The following PCNX2 variants were observed in gnomAD, a reference collection of about 807,000 sequenced individuals.
PCNX2 encodes the protein pecanex-like protein 2.
In PCNX2, 168 loss-of-function variants were observed where a neutral mutation model predicts 223.8. The observed-to-expected ratio is 0.75, with a 90% CI of 0.66 to 0.85. The LOEUF is 0.85. Among genes scored for constraint, PCNX2 ranks in the 40% least tolerant of loss-of-function variants. The probability of loss-of-function intolerance (pLI) is 0.00; values close to 1 mark genes in which losing one functional copy is unlikely to be tolerated. For missense variants in PCNX2, 2,507 were observed against 2,675.5 expected, an observed-to-expected ratio of 0.94 and a Z score of 1.39; for synonymous variants, 1,006 against 1,052.6, an observed-to-expected ratio of 0.96 and a Z score of 0.86.
chr1:233,321,376 C>A, the PCNX2 span, among the ~76,000 whole-genome samples: 1 of 152,170 alleles, frequency 6.6e-6, no homozygotes, highest in Admixed American at 6.5e-5. Flanking sequence ...CGGCCCACTG[C>A]AACCTCTGCC....
Position 233,258,221 on chromosome 1 carries a change from T to G in PCNX2, c.1641A>C (p.Glu547Asp). ...TTGTTTTCTCTGTATCGTTAACAAT[T>G]TCTGCAGAACTTTTACTCAAGAAGA... ...TDVFLSKSSA[E>D]IVNDTEKTMP... is the part of the protein sequence containing the mutation. Residue 547 changes from glutamate (E) to aspartate (D), a missense_variant, in exon 5 of 34, where the codon GAA (glutamate) becomes GAC (aspartate). Physicochemically the swap from Glu to Asp is conservative, Grantham distance 45 (BLOSUM62 2). Around this residue, in one of 3 missense-constraint regions of PCNX2, gnomAD observed 1,031 missense variants for 1,021.7 expected, o/e 1.01. Coordinates refer to ENST00000258229, the MANE Select transcript of PCNX2 (RefSeq NM_014801.4). 6.2e-7 allele frequency: 1 copy of G among 1,613,990 alleles called. No homozygotes were observed. The highest frequency in any genetic ancestry group is 1.1e-5 in the South Asian group (1 of 91,080).
chr1:233,120,497 G>A (rs1453494889), intron 21 of PCNX2, among the ~76,000 whole-genome samples: 1 of 152,164 alleles, frequency 6.6e-6, no homozygotes, highest in Non-Finnish European at 1.5e-5. Context: ...TATTCCTGGT[G>A]GAAATATTAA....
intron 23 of PCNX2, among the ~76,000 whole-genome samples, chr1:233,080,972 GT>G (rs1444547426): frequency 1.3e-5 from 2 of 152,176 alleles, no homozygotes; most frequent in Non-Finnish European, 2.9e-5. Flanking sequence ...TTTCCCAGAT[GT>G]GTGAAGTTAT....
intron 4 of PCNX2, among the ~76,000 whole-genome samples, chr1:233,260,375 T>C (rs11577517): frequency 0.11 from 17,358 of 152,240 alleles, 1,072 homozygotes; most frequent in South Asian, 0.19. Context: ...AAGATTATTA[T>C]AGCACACCTA....
chr1:233,141,688 T>A (rs184381335), intron 19 of PCNX2, among the ~76,000 whole-genome samples: 71 of 133,106 alleles, frequency 5.3e-4, no homozygotes, highest in East Asian at 2.3e-3. Flanking sequence ...AAAGAAAAAA[T>A]ATATATATAT....
At chr1:233,219,089 T>C (rs1657210361) in intron 10 of PCNX2, among the ~76,000 whole-genome samples, 1 of 151,894 alleles carries the variant, frequency 6.6e-6, no homozygotes, top group Non-Finnish European at 1.5e-5. Flanking sequence ...ATACAAGGTA[T>C]AGGGTAGAGA....
intron 21 of PCNX2, among the ~76,000 whole-genome samples, chr1:233,129,967 T>C (rs1471171674): frequency 1.3e-5 from 2 of 152,144 alleles, no homozygotes; most frequent in Non-Finnish European, 2.9e-5. Context: ...ACTGTTCGGG[T>C]CCACACTGCC....
At chr1:233,146,538 A>G (rs1415532686) in intron 19 of PCNX2, among the ~76,000 whole-genome samples, 1 of 152,230 alleles carries the variant, frequency 6.6e-6, no homozygotes, top group African/African-American at 2.4e-5. Flanking sequence ...TAAGAGATCA[A>G]CAGTGTCAGA....
At chr1:233,242,774 T>C (rs1436971730) in intron 8 of PCNX2, among the ~76,000 whole-genome samples, 2 of 152,250 alleles carry the variant, frequency 1.3e-5, no homozygotes, top group African/African-American at 4.8e-5. Flanking sequence ...CCTAGGCAGA[T>C]AGCCTACTTC....
intron 23 of PCNX2, among the ~76,000 whole-genome samples, chr1:233,073,111 G>C (rs184987403): frequency 3.3e-5 from 5 of 152,178 alleles, no homozygotes; most frequent in African/African-American, 1.2e-4. Context: ...TCTTCAGTCA[G>C]CTTTGGTAGT....
intron 22 of PCNX2, among the ~76,000 whole-genome samples, chr1:233,092,625 C>T (rs12239048): frequency 0.022 from 3,414 of 152,190 alleles, 41 homozygotes; most frequent in East Asian, 0.042. Flanking sequence ...AAGTCTGTCA[C>T]TACTACTGGC....
chr1:233,290,022 G>C (rs1307648245), intron 1 of PCNX2, among the ~76,000 whole-genome samples: 1 of 152,098 alleles, frequency 6.6e-6, no homozygotes, highest in Non-Finnish European at 1.5e-5. Context: ...GGTGAAGCCT[G>C]GGGGGCGGGG....
At chr1:233,068,697 A>G (rs1245162063) in intron 23 of PCNX2, among the ~76,000 whole-genome samples, 1 of 152,136 alleles carries the variant, frequency 6.6e-6, no homozygotes, top group Non-Finnish European at 1.5e-5. Context: ...AGCAAACACT[A>G]AAAGATACAC....
intron 26 of PCNX2, among the ~76,000 whole-genome samples, chr1:233,024,099 G>A (rs1325616675): frequency 6.6e-6 from 1 of 152,170 alleles, no homozygotes; most frequent in Non-Finnish European, 1.5e-5. Flanking sequence ...TTTTTGTAGA[G>A]ATGGGGGGTC....
chr1:233,139,933 T>C lies in PCNX2; in HGVS notation c.3518-78A>G. ...TTTAAGTACAGGTAATAATAAGTAA[T>C]ATTCCCCCCCTTTAATTCAAAAGCT... On this transcript the variant is annotated intron_variant, in intron 19 of 33. Transcript: ENST00000258229. The surrounding 1 kb of genome is among the most constrained non-coding windows in gnomAD (Gnocchi z 4.4). 1.3e-6 allele frequency: 2 copies of C among 1,492,682 alleles called. No individual in the cohort carries two copies. Among genetic ancestry groups the C allele is most frequent in the Non-Finnish European group, 1.8e-6 (2 of 1,110,462 alleles). The allele number at this position is 1,492,682 out of a possible 1,614,324, so 92.5% of individuals were successfully genotyped here.
chr1:233,100,056 A>G (rs1207138499), intron 21 of PCNX2, among the ~76,000 whole-genome samples: 1 of 152,232 alleles, frequency 6.6e-6, no homozygotes, highest in Non-Finnish European at 1.5e-5. Context: ...TTACTGGAAT[A>G]TAAGAGAAAA....
chr1:233,118,715 A>C (rs368876651), intron 21 of PCNX2, among the ~76,000 whole-genome samples: 11 of 152,322 alleles, frequency 7.2e-5, no homozygotes, highest in African/African-American at 2.4e-4. Context: ...GAAAGAAATC[A>C]AAAGATAAAT....
intron 21 of PCNX2, among the ~76,000 whole-genome samples, chr1:233,121,320 G>C (rs1675779349): frequency 6.6e-6 from 1 of 152,100 alleles, no homozygotes. Context: ...TGCAGATCTA[G>C]AGAACTGATT....
intron 21 of PCNX2, among the ~76,000 whole-genome samples, chr1:233,128,319 A>G (rs746793609): frequency 3.9e-5 from 6 of 151,964 alleles, no homozygotes; most frequent in Non-Finnish European, 8.8e-5. Flanking sequence ...TTTTAAAAAC[A>G]ATGTTTTTTT....
Sources: gnomAD v4.1 joint callset for allele counts (sites outside exome capture counted in the v4.1 genomes callset) on GRCh38, gnomAD v4.1.1 for gene constraint, gnomAD v4.1.1 regional missense constraint, Gnocchi (gnomAD v3.1) non-coding constraint, MANE v1.5 for transcripts, NCBI Gene and HGNC (gene_info 2026-07-23, HGNC 2026-07-21) for gene names.